The following TOPAZ1 variants were observed in gnomAD, a reference collection of about 807,000 sequenced individuals.
The protein encoded by TOPAZ1 is protein TOPAZ1.
TOPAZ1 carries 66 observed loss-of-function variants against 172.2 expected under a neutral mutation model. That is an observed-to-expected ratio of 0.38 (90% confidence interval 0.31 to 0.47). The LOEUF (loss-of-function observed/expected upper bound fraction) is 0.47. Ranked by LOEUF, TOPAZ1 falls within the 20% of genes least tolerant of loss-of-function variation. The pLI is 0.99. For missense variants in TOPAZ1, 1,822 were observed against 1,972.4 expected (o/e 0.92, Z 1.44); for synonymous variants, 681 against 683.9 (o/e 1.00, Z 0.07).
chr3:44,306,163 G>A (rs1288000688), intron 14 of TOPAZ1, among the ~76,000 whole-genome samples, 163 bp from the exon 15 acceptor site: 1 of 152,144 alleles, frequency 6.6e-6, no homozygotes, highest in East Asian at 1.9e-4. Flanking sequence ...ACGATGCTTT[G>A]AAAACAGGAA....
At chr3:44,268,400 G>A (rs1345277348) in intron 6 of TOPAZ1, among the ~76,000 whole-genome samples, 3 of 120,284 alleles carry the variant, frequency 2.5e-5, no homozygotes, top group East Asian at 5.0e-4. Flanking sequence ...TTTAGACAGA[G>A]TCTCACTCTA....
In TOPAZ1 at chr3:44,290,783, G is replaced by A. The variant is rs372762471; in HGVS notation, c.3694G>A (p.Gly1232Arg). The A allele has an allele frequency of 6.7e-5, 103 of 1,544,776 alleles. No individual in the cohort carries two copies. The highest frequency in any genetic ancestry group is 1.7e-4 in the Middle Eastern group (1 of 6,002). The change falls in exon 12 of 20, where the codon GGG becomes AGG. Residue 1232 changes from glycine to arginine, a missense_variant. This residue lies in a region of TOPAZ1 where 1,489 missense variants were observed against 1,490.8 expected (regional missense o/e 1.00). Transcript: ENST00000309765. Reference sequence around the variant, plus strand: ...TTCTCTTCTACAGCTTGTTGAAGCCGGGATGGTGCTTGACCCAGAGCACTT... The same window carrying A: ...TTCTCTTCTACAGCTTGTTGAAGCCAGGATGGTGCTTGACCCAGAGCACTT... ...IDIFCKLVEA[G>R]MVLDPEHFNY...
rs1448321974 is a variant in TOPAZ1 at position 44,244,411 on chromosome 3, T to C, written c.1905T>C (p.Asn635=). The C allele has an allele frequency of 6.5e-7, 1 of 1,550,324 alleles. No individual in the cohort carries two copies. The highest frequency in any genetic ancestry group is 8.7e-7 in the Non-Finnish European group (1 of 1,146,594). Reference sequence around the variant, plus strand: ...GAAATAAAAAAAAAGCTAGAGGAAATTTAACGAAACTTAATTTGACAGCGA... The same window carrying C: ...GAAATAAAAAAAAAGCTAGAGGAAACTTAACGAAACTTAATTTGACAGCGA... The part of the protein sequence containing the change: ...LTGNKKKARG[N]LTKLNLTATS... The change falls in exon 2 of 20, where the codon AAT becomes AAC. Residue 635 remains asparagine (N), a synonymous_variant. Coordinates refer to ENST00000309765, the MANE Select transcript of TOPAZ1 (RefSeq NM_001145030.2).
intron 12 of TOPAZ1, among the ~76,000 whole-genome samples, chr3:44,292,199 A>T (rs982759216): frequency 2.0e-5 from 3 of 152,190 alleles, no homozygotes; most frequent in Admixed American, 2.0e-4. Context: ...TGATTTTTTA[A>T]TTTAATTACT....
At chr3:44,287,970 T>A (rs1700097843) in intron 11 of TOPAZ1, 131 bp downstream of exon 11, 1 of 594,712 alleles carries the variant, frequency 1.7e-6, no homozygotes, top group Admixed American at 3.8e-5. Context: ...TCCAGAAGTA[T>A]TCTTTTTCTC....
intron 7 of TOPAZ1, 28 bp downstream of exon 7, chr3:44,269,329 A>C: frequency 2.9e-6 from 4 of 1,357,372 alleles, no homozygotes; most frequent in Non-Finnish European, 4.1e-6. Context: ...AATAATAATA[A>C]TCTGTCTCTT....
intron 12 of TOPAZ1, among the ~76,000 whole-genome samples, chr3:44,292,655 T>C (rs901093607): frequency 6.6e-6 from 1 of 152,208 alleles, no homozygotes; most frequent in Non-Finnish European, 1.5e-5. Context: ...TTTTCACTTT[T>C]TTTATTGATG....
rs1699511896 is a variant in TOPAZ1, at chr3:44,243,381, A to C, written c.875A>C (p.Lys292Thr). The part of the protein sequence containing the change: ...QTEENVMGVN[K>T]LLPEESDLYQ... ...GAAGAAAATGTAATGGGAGTAAATA[A>C]GTTACTACCAGAAGAGAGTGATTTA... The change falls in exon 2 of 20, where the codon AAG becomes ACG. Residue 292 changes from lysine (K) to threonine (T), a missense_variant. This residue lies in a region of TOPAZ1 where 1,489 missense variants were observed against 1,490.8 expected (regional missense o/e 1.00). Transcript: ENST00000309765. The C allele has an allele frequency of 6.4e-7, 1 of 1,551,006 alleles. No homozygotes were observed. The highest frequency in any genetic ancestry group is 8.7e-7 in the Non-Finnish European group (1 of 1,146,832).
At position 44,245,006 on chromosome 3, in the gene TOPAZ1, A is replaced by T; in HGVS notation, c.2500A>T (p.Ser834Cys). 6.4e-7 allele frequency: 1 copy of T among 1,551,738 alleles called. No individual in the cohort carries two copies. Among genetic ancestry groups the T allele is most frequent in the Non-Finnish European group, 8.7e-7 (1 of 1,146,994 alleles). The change falls in exon 2 of 20, where the codon AGT becomes TGT. Residue 834 changes from serine (S) to cysteine (C), a missense_variant. Ser to Cys is a moderately radical substitution (Grantham distance 112). Coordinates refer to ENST00000309765, the MANE Select transcript of TOPAZ1 (RefSeq NM_001145030.2). ...NEQETFRPVSSEVRGRKITKN... is the reference protein window; with the variant it reads ...NEQETFRPVSCEVRGRKITKN... ...ACAAGAAACATTCCGACCAGTGTCC[A>T]GTGAAGTTAGGGGTAGAAAAATAAC...
intron 9 of TOPAZ1, among the ~76,000 whole-genome samples, chr3:44,284,956 C>T (rs1336153717): frequency 6.6e-6 from 1 of 152,154 alleles, no homozygotes; most frequent in Non-Finnish European, 1.5e-5. Flanking sequence ...ATATACAAAA[C>T]TATTCCAATA....
At chr3:44,311,960 G>A (rs1050951731) in intron 16 of TOPAZ1, among the ~76,000 whole-genome samples, 3 of 152,036 alleles carry the variant, frequency 2.0e-5, no homozygotes, top group African/African-American at 4.8e-5. Context: ...CAAAATAAAT[G>A]TCAAAAGTTT....
At chr3:44,329,581 A>G (rs923799944) in intron 19 of TOPAZ1, among the ~76,000 whole-genome samples, 2 of 152,228 alleles carry the variant, frequency 1.3e-5, no homozygotes, top group Non-Finnish European at 2.9e-5. Flanking sequence ...TGCAAGCTAC[A>G]AGCTAACCTG....
chr3:44,272,100 T>C (rs1699905285), intron 8 of TOPAZ1, among the ~76,000 whole-genome samples: 1 of 152,198 alleles, frequency 6.6e-6, no homozygotes, highest in African/African-American at 2.4e-5. Flanking sequence ...GGCTGAATAG[T>C]ATTTCATTGT....
intron 10 of TOPAZ1, 70 bp from the exon 11 acceptor site, chr3:44,287,677 T>C: frequency 1.8e-6 from 2 of 1,083,908 alleles, no homozygotes; most frequent in Non-Finnish European, 2.6e-6. Flanking sequence ...TCAACATAAA[T>C]GAATTTGAGA....
chr3:44,293,639 TG>T (rs909695437), intron 12 of TOPAZ1, among the ~76,000 whole-genome samples: 2 of 152,246 alleles, frequency 1.3e-5, no homozygotes, highest in Admixed American at 6.5e-5. Context: ...TGTTTTAAGC[TG>T]GGTGTTGTTA....
At chr3:44,277,222 G>A (rs1377539222) in intron 8 of TOPAZ1, among the ~76,000 whole-genome samples, 1 of 152,028 alleles carries the variant, frequency 6.6e-6, no homozygotes, top group East Asian at 1.9e-4. Flanking sequence ...TTACCTCATT[G>A]GGTAAATTTA....
chr3:44,285,429 G>A (rs1700067209), intron 9 of TOPAZ1, among the ~76,000 whole-genome samples: 1 of 151,978 alleles, frequency 6.6e-6, no homozygotes, highest in Non-Finnish European at 1.5e-5. Flanking sequence ...TCACAACACT[G>A]CACTCCAGCA....
chr3:44,258,775 A>T (rs537120067), intron 4 of TOPAZ1, among the ~76,000 whole-genome samples: 40 of 152,328 alleles, frequency 2.6e-4, no homozygotes, highest in African/African-American at 9.4e-4. Context: ...TGCTATCTAT[A>T]AACGTTCATG....
chr3:44,331,700 G>GCTT (rs1700671694), intron 19 of TOPAZ1, 92 bp from the exon 20 acceptor site: 1 of 998,258 alleles, frequency 1.0e-6, no homozygotes, highest in African/African-American at 1.6e-5. Flanking sequence ...GACTATCATA[G>GCTT]CTTAGTACCA....
Sources: allele counts gnomAD v4.1 joint callset (sites outside exome capture counted in the v4.1 genomes callset), GRCh38; gene constraint gnomAD v4.1.1; regional missense constraint gnomAD v4.1.1; transcripts MANE v1.5; gene names NCBI Gene and HGNC (gene_info 2026-07-23, HGNC 2026-07-21).